Variants in CSMD1 observed in about 807,000 individuals in gnomAD.
The protein encoded by CSMD1 is CUB and sushi domain-containing protein 1.
CSMD1 carries 213 observed loss-of-function variants against 417.5 expected under a neutral mutation model. That is an observed-to-expected ratio of 0.51 (90% CI 0.46 to 0.57). The LOEUF is 0.57. CSMD1 is among the 20% of genes least tolerant of loss of function. The pLI, the probability that CSMD1 is intolerant of heterozygous loss-of-function variation, is 0.00. For missense variants in CSMD1, 6,923 were observed against 4,529.7 expected, an observed-to-expected ratio of 1.53 and a Z score of -15.17; for synonymous variants, 2,862 against 1,736.8, an observed-to-expected ratio of 1.65 and a Z score of -16.11.
chr8:4,239,057 C>T (rs1048289290), intron 3 of CSMD1, among the ~76,000 whole-genome samples: 1 of 152,100 alleles, frequency 6.6e-6, no homozygotes, highest in Non-Finnish European at 1.5e-5. Context: ...CATCCCTGAA[C>T]AAAAATAACT....
rs1190120663 is a variant in CSMD1, at chr8:4,753,968, C to A, written c.86-116410G>T. 2.6e-5 allele frequency among the ~76,000 whole-genome samples: 4 copies of A among 152,162 alleles called. 1 individual carries two copies. Among genetic ancestry groups the A allele is most frequent in the Non-Finnish European group, 5.9e-5 (4 of 68,030 alleles). On this transcript the variant is annotated intron_variant, in intron 1 of 69. Coordinates refer to ENST00000635120, the MANE Select transcript of CSMD1 (RefSeq NM_033225.6). ...CTGCCAATTTAAAAAAGCAAATGAA[C>A]AGCTTCAAATACAGGAAGAGTAAAA... is the stretch of plus-strand genomic sequence containing the variant.
chr8:4,231,305 C>A (rs527916010), intron 3 of CSMD1, among the ~76,000 whole-genome samples: 1 of 152,164 alleles, frequency 6.6e-6, no homozygotes, highest in African/African-American at 2.4e-5. Flanking sequence ...GTGTGAGGCT[C>A]AGAGTCATGG....
At chr8:3,602,858 A>T (rs76488867) in intron 8 of CSMD1, among the ~76,000 whole-genome samples, 1 of 152,116 alleles carries the variant, frequency 6.6e-6, no homozygotes, top group Non-Finnish European at 1.5e-5. Context: ...TAATTCATCA[A>T]CTATGTTTTG....
At chr8:4,209,873 G>T (rs1004809107) in intron 3 of CSMD1, among the ~76,000 whole-genome samples, 1 of 152,210 alleles carries the variant, frequency 6.6e-6, no homozygotes, top group Non-Finnish European at 1.5e-5. Context: ...TTTCTAGAAT[G>T]TAGGTGGTAA....
At chr8:4,208,259 G>T (rs575774008) in intron 3 of CSMD1, among the ~76,000 whole-genome samples, 2 of 151,986 alleles carry the variant, frequency 1.3e-5, no homozygotes, top group Admixed American at 6.6e-5. Flanking sequence ...TGCCTTCTCG[G>T]TCAAATACAC....
At chr8:4,463,208 A>C (rs534872537) in intron 2 of CSMD1, among the ~76,000 whole-genome samples, 52 of 152,290 alleles carry the variant, frequency 3.4e-4, no homozygotes, top group Non-Finnish European at 4.6e-4. Context: ...CTTAGCCATC[A>C]AGGAAATGCA....
chr8:3,238,828 G>A (rs187554732), intron 26 of CSMD1, among the ~76,000 whole-genome samples: 2 of 152,206 alleles, frequency 1.3e-5, no homozygotes, highest in Non-Finnish European at 1.5e-5. Flanking sequence ...AAGAGTGGCA[G>A]GTTGGGGATG....
At chr8:4,822,457 C>T (rs1473917141) in intron 1 of CSMD1, among the ~76,000 whole-genome samples, 1 of 152,010 alleles carries the variant, frequency 6.6e-6, no homozygotes, top group Non-Finnish European at 1.5e-5. Flanking sequence ...AAAATGTAAA[C>T]TGTCAGTTTA....
intron 26 of CSMD1, among the ~76,000 whole-genome samples, chr8:3,277,018 C>G (rs1324665266): frequency 6.6e-6 from 1 of 152,060 alleles, no homozygotes. Context: ...CTAAAGAAAC[C>G]TTTGAATGTG....
intron 8 of CSMD1, among the ~76,000 whole-genome samples, chr8:3,605,479 C>A: frequency 6.6e-6 from 1 of 152,202 alleles, no homozygotes; most frequent in East Asian, 1.9e-4. Context: ...ATTATCAATA[C>A]GCTACAAAAA....
chr8:3,825,872 C>T (rs185823838), intron 5 of CSMD1, among the ~76,000 whole-genome samples: 167 of 152,286 alleles, frequency 1.1e-3, no homozygotes, highest in Non-Finnish European at 1.9e-3. Flanking sequence ...TACACTAGGG[C>T]AAGATCAGAA....
chr8:3,899,755 G>A (rs530547034), intron 5 of CSMD1, among the ~76,000 whole-genome samples: 2 of 152,148 alleles, frequency 1.3e-5, no homozygotes, highest in African/African-American at 2.4e-5. Flanking sequence ...AGGGCTGTAT[G>A]ACCAGCTTTC....
intron 5 of CSMD1, among the ~76,000 whole-genome samples, chr8:3,828,105 T>C (rs572198336): frequency 6.6e-6 from 1 of 152,294 alleles, no homozygotes; most frequent in East Asian, 1.9e-4. Flanking sequence ...ATACAGCATG[T>C]TAATAGCCCA....
chr8:4,649,584 A>G (rs1803754207), intron 1 of CSMD1, among the ~76,000 whole-genome samples: 1 of 152,244 alleles, frequency 6.6e-6, no homozygotes. Context: ...CATTTTCTGA[A>G]AAGAATGTGT....
At chr8:3,318,945 T>C (rs1805965580) in intron 23 of CSMD1, among the ~76,000 whole-genome samples, 1 of 152,096 alleles carries the variant, frequency 6.6e-6, no homozygotes, top group Non-Finnish European at 1.5e-5. Context: ...AATAAAAACA[T>C]ACAAACACAC....
intron 1 of CSMD1, among the ~76,000 whole-genome samples, chr8:4,738,495 G>A (rs866784800): frequency 1.3e-5 from 2 of 152,156 alleles, no homozygotes; most frequent in South Asian, 2.1e-4. Flanking sequence ...ACAGGATGGG[G>A]AAAATCACCT....
At chr8:3,276,991 C>T (rs1247636450) in intron 26 of CSMD1, among the ~76,000 whole-genome samples, 1 of 152,144 alleles carries the variant, frequency 6.6e-6, no homozygotes, top group South Asian at 2.1e-4. Flanking sequence ...CTGGAAGTGA[C>T]AATGTGATTG....
chr8:4,211,193 A>G (rs1388234353), intron 3 of CSMD1, among the ~76,000 whole-genome samples: 3 of 150,432 alleles, frequency 2.0e-5, no homozygotes, highest in Non-Finnish European at 4.5e-5. Context: ...ATTTCAGGGA[A>G]AGTCATTTGC....
At chr8:4,836,420 A>C (rs1471150086) in intron 1 of CSMD1, among the ~76,000 whole-genome samples, 2 of 152,200 alleles carry the variant, frequency 1.3e-5, no homozygotes, top group Non-Finnish European at 2.9e-5. Context: ...ATCACCAGCC[A>C]GGGGGAAGAG....
Sources: allele counts gnomAD v4.1 joint callset (sites outside exome capture counted in the v4.1 genomes callset), GRCh38; gene constraint gnomAD v4.1.1; transcripts MANE v1.5; gene names NCBI Gene and HGNC (gene_info 2026-07-23, HGNC 2026-07-21).